Variants in CLSTN1 observed in about 807,000 individuals in gnomAD.
CLSTN1 encodes calsyntenin 1, also known as calsyntenin-1.
A neutral mutation model predicts 108.3 loss-of-function variants in CLSTN1; 28 were observed. The observed-to-expected ratio is 0.26, with a 90% CI of 0.19 to 0.35. CLSTN1 has a LOEUF of 0.35. Among genes scored for constraint, CLSTN1 ranks in the 10% least tolerant of loss-of-function variants. CLSTN1 has a pLI of 1.00. For missense variants in CLSTN1, 1,157 were observed against 1,302.6 expected (o/e 0.89, Z 1.72); for synonymous variants, 524 against 534.9 (o/e 0.98, Z 0.28).
Position 9,748,270 on chromosome 1 carries a change from C to A in CLSTN1, c.985+1191G>T, listed in dbSNP as rs537571384. On this transcript the variant is annotated intron_variant, in intron 7 of 18. Coordinates refer to ENST00000377298, the MANE Select transcript of CLSTN1 (RefSeq NM_001009566.3). ...CATCTTCCATGACAGCCATCCATACCTCACCTCTTCTTCATTTAGATAAAC... is the reference window on the plus strand; with the variant it reads ...CATCTTCCATGACAGCCATCCATACATCACCTCTTCTTCATTTAGATAAAC... Among the ~76,000 whole-genome samples the A allele has an allele frequency of 2.0e-5, 3 of 152,208 alleles. No homozygotes were observed. In the South Asian group the frequency reaches 6.2e-4, roughly 32 times the overall value.
At position 9,752,990 on chromosome 1, in the gene CLSTN1, A is replaced by C. The variant is rs544078293; in HGVS notation, c.441-1309T>G. 2.6e-5 allele frequency among the ~76,000 whole-genome samples: 4 copies of C among 152,336 alleles called. No homozygotes were observed. The South Asian group carries it at 8.3e-4, about 32-fold the overall frequency. On this transcript the variant is annotated intron_variant, in intron 4 of 18. Transcript: ENST00000377298. ...AGACTAGAGCTCTAGAAAAGACTAG[A>C]GCTTACAATCTAATTGTAGAAGACA...
chr1:9,811,519 G>A (rs1013004353), intron 1 of CLSTN1, among the ~76,000 whole-genome samples: 15 of 145,528 alleles, frequency 1.0e-4, no homozygotes, highest in African/African-American at 3.7e-4. Flanking sequence ...AATCAGTCAG[G>A]ATTATCAAGG....
At chr1:9,816,090 C>T (rs1654957948) in intron 1 of CLSTN1, among the ~76,000 whole-genome samples, 1 of 152,106 alleles carries the variant, frequency 6.6e-6, no homozygotes, top group African/African-American at 2.4e-5. Context: ...AAATTAGCTA[C>T]AAAGTGGAAA....
intron 1 of CLSTN1, among the ~76,000 whole-genome samples, chr1:9,787,751 A>C (rs549957911): frequency 6.6e-6 from 1 of 151,282 alleles, no homozygotes; most frequent in Admixed American, 6.7e-5. Flanking sequence ...ACAGTATAAA[A>C]ATTTACCATC....
intron 2 of CLSTN1, among the ~76,000 whole-genome samples, chr1:9,767,756 T>C (rs1652416748): frequency 1.3e-5 from 2 of 152,086 alleles, no homozygotes; most frequent in African/African-American, 2.4e-5. Flanking sequence ...GCCTCTGTCT[T>C]ATCCAAAAAA....
At chr1:9,791,226 G>T (rs1419560310) in intron 1 of CLSTN1, among the ~76,000 whole-genome samples, 1 of 150,102 alleles carries the variant, frequency 6.7e-6, no homozygotes. Flanking sequence ...GAAAGACAAA[G>T]AATTTGAAGG....
chr1:9,776,378 AGTT>A (rs775976045), intron 1 of CLSTN1, among the ~76,000 whole-genome samples: 7 of 152,086 alleles, frequency 4.6e-5, no homozygotes, highest in Admixed American at 3.3e-4. Context: ...GACCCCGGGG[AGTT>A]GTTGTTTAAT....
intron 1 of CLSTN1, among the ~76,000 whole-genome samples, chr1:9,779,562 CAA>C (rs1255906727): frequency 6.6e-6 from 1 of 151,888 alleles, no homozygotes; most frequent in East Asian, 1.9e-4. Context: ...GCCTGGGCGA[CAA>C]GAGTGAAACT....
chr1:9,796,295 C>CA lies in CLSTN1; in HGVS notation c.92-22902dup, dbSNP rs1326877388. On this transcript the variant is annotated intron_variant, in intron 1 of 18. Coordinates refer to ENST00000377298, the MANE Select transcript of CLSTN1 (RefSeq NM_001009566.3). ...AAAAAAAACAAAAAACAAAACAAAA[C>CA]AAAAAAAAAAAAACAGGCATTTGAC... Among the ~76,000 whole-genome samples, 502 of 121,720 alleles carry CA rather than the reference C, an allele frequency of 4.1e-3. 2 individuals carry two copies. The highest frequency in any genetic ancestry group is 9.0e-3 in the South Asian group (32 of 3,556). 79.9% of individuals were successfully genotyped at this position (121,720 alleles called of 152,430 possible).
At chr1:9,755,038 T>A in intron 4 of CLSTN1, 76 bp downstream of exon 4, 1 of 1,241,254 alleles carries the variant, frequency 8.1e-7, no homozygotes, top group Non-Finnish European at 1.1e-6. Flanking sequence ...GAGCAGGCAA[T>A]AGTCACTACT....
chr1:9,822,735 T>G (rs1655236384), intron 1 of CLSTN1, among the ~76,000 whole-genome samples: 1 of 151,708 alleles, frequency 6.6e-6, no homozygotes. Context: ...GTTTAAAAGG[T>G]TAAGTGGATG....
rs369619119 is a variant in CLSTN1 at position 9,805,171 on chromosome 1, A to G, written c.91+18472T>C. ...GGGGCAATGTAAACTATGAAGAGAC[A>G]TAATTCCAGGAAAAAGTTGAACTAA... On this transcript the variant is annotated intron_variant, in intron 1 of 18. Transcript: ENST00000377298. Among the ~76,000 whole-genome samples the G allele has an allele frequency of 2.0e-5, 3 of 152,178 alleles. No homozygotes were observed. In the East Asian group the frequency reaches 5.8e-4, roughly 29 times the overall value.
At chr1:9,804,018 C>T (rs1005622774) in intron 1 of CLSTN1, among the ~76,000 whole-genome samples, 3 of 151,932 alleles carry the variant, frequency 2.0e-5, no homozygotes, top group African/African-American at 7.3e-5. Context: ...CCAAATAAAC[C>T]TGATTTTAAC....
chr1:9,755,083 G>T lies in CLSTN1; in HGVS notation c.440+31C>A, dbSNP rs373388514. On this transcript the variant is annotated intron_variant, in intron 4 of 18. Transcript: ENST00000377298. ...CTGCGCACACACGTTTACTCGGTGG[G>T]TTATGTTCACTCTTTGTCCAGCTTA... is the stretch of plus-strand genomic sequence containing the variant. 43 of 1,587,824 alleles carry T rather than the reference G, an allele frequency of 2.7e-5. 1 individual carries two copies. The African/African-American group carries it at 4.8e-4, about 18-fold the overall frequency.
At chr1:9,752,269 G>A (rs1651592567) in intron 4 of CLSTN1, among the ~76,000 whole-genome samples, 3 of 152,110 alleles carry the variant, frequency 2.0e-5, no homozygotes, top group Admixed American at 1.3e-4. Flanking sequence ...CAATACCCCA[G>A]CTCAGTTATC....
Position 9,737,802 on chromosome 1 carries a change from CAT to C in CLSTN1, c.1520-250_1520-249del, listed in dbSNP as rs373707314. Among the ~76,000 whole-genome samples the C allele has an allele frequency of 7.9e-4, 121 of 152,292 alleles. 2 individuals carry two copies. In the South Asian group the frequency reaches 0.012, roughly 15 times the overall value. On this transcript the variant is annotated intron_variant, in intron 10 of 18. Coordinates refer to ENST00000377298, the MANE Select transcript of CLSTN1 (RefSeq NM_001009566.3). The stretch of plus-strand genomic sequence containing the variant: ...CCTTCCCACATCCTCCTTGCCAAAA[CAT>C]ATGTTAGATTCAAAATAAGATGAAT...
rs186479563 is a variant in CLSTN1 at position 9,733,880 on chromosome 1, C to T, written c.2281+92G>A. ...CCCATCTCCCTCTAAGATAACTCAA[C>T]ATTCTCAGATGGCAGGCAGCAGCCA... On this transcript the variant is annotated intron_variant, in intron 15 of 18. Transcript: ENST00000377298. 7.5e-6 allele frequency: 10 copies of T among 1,339,702 alleles called. No homozygotes were observed. In the East Asian group the frequency reaches 1.4e-4, roughly 19 times the overall value. 83.0% of individuals were successfully genotyped at this position (1,339,702 alleles called of 1,614,324 possible).
Position 9,773,315 on chromosome 1 carries a change from G to A in CLSTN1, c.171C>T (p.Pro57=). The change falls in exon 2 of 19, where the codon CCC becomes CCT. Residue 57 remains proline, a synonymous_variant. Coordinates refer to ENST00000377298, the MANE Select transcript of CLSTN1 (RefSeq NM_001009566.3). ...TENDNTVLLD[P]PLIALDKDAP... ...CATCTTTATCCAGCGCGATCAGTGG[G>A]GGGTCGAGGAGCACGGTGTTGTCGT... 1 of 1,614,168 alleles carries A rather than the reference G, an allele frequency of 6.2e-7. No individual in the cohort carries two copies. The highest frequency in any genetic ancestry group is 8.5e-7 in the Non-Finnish European group (1 of 1,180,020).
chr1:9,768,193 G>T (rs1652442703), intron 2 of CLSTN1, among the ~76,000 whole-genome samples: 1 of 150,750 alleles, frequency 6.6e-6, no homozygotes, highest in Non-Finnish European at 1.5e-5. Context: ...GTGCTGGGTG[G>T]CACCATGGGG....
Sources: allele counts gnomAD v4.1 joint callset (sites outside exome capture counted in the v4.1 genomes callset), GRCh38; gene constraint gnomAD v4.1.1; transcripts MANE v1.5; gene names NCBI Gene and HGNC (gene_info 2026-07-23, HGNC 2026-07-21).